Variants in JAKMIP1 observed in about 807,000 individuals in gnomAD.
JAKMIP1 encodes janus kinase and microtubule interacting protein 1.
Under a neutral mutation model 113.0 loss-of-function variants are expected in JAKMIP1, and 33 were observed. The observed-to-expected ratio is 0.29, with a 90% confidence interval of 0.22 to 0.39. JAKMIP1 has a LOEUF of 0.39. Ranked by LOEUF, JAKMIP1 falls within the 10% of genes least tolerant of loss-of-function variation. The pLI, the probability that JAKMIP1 is intolerant of heterozygous loss-of-function variation, is 1.00. For synonymous variants in JAKMIP1, 480 were observed against 459.9 expected (o/e 1.04, Z -0.56); for missense variants, 813 against 1,080.5 (o/e 0.75, Z 3.47).
chr4:6,046,775 C>T (rs906187416), intron 16 of JAKMIP1, among the ~76,000 whole-genome samples: 1 of 152,202 alleles, frequency 6.6e-6, no homozygotes, highest in Non-Finnish European at 1.5e-5. Context: ...GCCTGGAACA[C>T]CTGCTGTGGG....
intron 19 of JAKMIP1, among the ~76,000 whole-genome samples, chr4:6,033,843 G>T (rs1713051390): frequency 6.6e-6 from 1 of 152,188 alleles, no homozygotes; most frequent in Non-Finnish European, 1.5e-5. Context: ...CCAGATTTCT[G>T]GAGACTATCA....
chr4:6,087,362 CTCTG>C (rs1233381227), intron 3 of JAKMIP1, among the ~76,000 whole-genome samples: 1 of 152,086 alleles, frequency 6.6e-6, no homozygotes, highest in Non-Finnish European at 1.5e-5. Context: ...TTAGAACCAA[CTCTG>C]TCTAACTGTT....
intron 1 of JAKMIP1, among the ~76,000 whole-genome samples, chr4:6,130,277 A>C (rs1416783539): frequency 1.3e-5 from 2 of 152,266 alleles, no homozygotes; most frequent in Non-Finnish European, 2.9e-5. Flanking sequence ...TAAGGAGCTT[A>C]GAAGCATGAC....
intron 3 of JAKMIP1, among the ~76,000 whole-genome samples, chr4:6,102,008 G>A (rs1056991982): frequency 1.5e-4 from 23 of 151,480 alleles, no homozygotes; most frequent in African/African-American, 5.1e-4. Flanking sequence ...TCTTCTAATC[G>A]ATGAAAACGA....
chr4:6,040,583 C>A lies in JAKMIP1; in HGVS notation c.2175+56G>T, dbSNP rs1714179762. The A allele has an allele frequency of 3.9e-6, 5 of 1,291,584 alleles. No homozygotes were observed. The South Asian group carries it at 4.9e-5, about 13-fold the overall frequency. The allele number at this position is 1,291,584 out of a possible 1,614,324, so 80.0% of individuals were successfully genotyped here. On this transcript the variant is annotated intron_variant, in intron 18 of 20. Coordinates refer to ENST00000409021, the MANE Select transcript of JAKMIP1 (RefSeq NM_001099433.2). This position sits in a 1 kb window ranked among gnomAD's most constrained non-coding sequence, Gnocchi z 5.8. ...GCAGTTTCAGCCCCAGAGGAAAAAG[C>A]AGCCTCTAATGTGGAGTCTAAGAAG...
intron 3 of JAKMIP1, among the ~76,000 whole-genome samples, chr4:6,098,702 A>C (rs921410380): frequency 6.4e-5 from 1 of 15,510 alleles, no homozygotes; most frequent in Non-Finnish European, 1.8e-4. Context: ...GAAAGAAAGA[A>C]AGAAAGAAAG....
intron 1 of JAKMIP1, among the ~76,000 whole-genome samples, chr4:6,149,664 C>T: frequency 1.3e-5 from 2 of 152,114 alleles, no homozygotes. Flanking sequence ...TCATAAAGTC[C>T]AAAGTATATC....
intron 11 of JAKMIP1, among the ~76,000 whole-genome samples, chr4:6,060,188 C>G (rs954339803): frequency 6.6e-6 from 1 of 152,162 alleles, no homozygotes; most frequent in African/African-American, 2.4e-5. Flanking sequence ...GGCAAACAAA[C>G]AAAGAAAAAG....
At chr4:6,027,595 A>G (rs1712033055) in intron 20 of JAKMIP1, among the ~76,000 whole-genome samples, 1 of 152,206 alleles carries the variant, frequency 6.6e-6, no homozygotes, top group Admixed American at 6.5e-5. Flanking sequence ...GAAGGTTTCC[A>G]GCCCTACAGG....
rs966525977 is a variant in JAKMIP1 at position 6,186,768 on chromosome 4, G to A, written c.-148+13485C>T. ...TTGTTCTATCTGTTATTGAAAGTGG[G>A]TGTTGACATATTCAACTATTGTTGT... On this transcript the variant is annotated intron_variant, in intron 1 of 20. Transcript: ENST00000409021. This position sits in a 1 kb window ranked among gnomAD's most constrained non-coding sequence, Gnocchi z 5.5. Among the ~76,000 whole-genome samples the A allele has an allele frequency of 2.0e-5, 3 of 152,144 alleles. No individual in the cohort carries two copies. The highest frequency in any genetic ancestry group is 4.4e-5 in the Non-Finnish European group (3 of 68,034).
chr4:6,136,208 T>C lies in JAKMIP1; in HGVS notation c.-147-23211A>G, dbSNP rs1719220417. Reference sequence around the variant, plus strand: ...TTGCAGTGAGCCGAGATCACACCACTGCACTCCAGCCTGGCCAACAGAGTG... The same window carrying C: ...TTGCAGTGAGCCGAGATCACACCACCGCACTCCAGCCTGGCCAACAGAGTG... On this transcript the variant is annotated intron_variant, in intron 1 of 20. Coordinates refer to ENST00000409021, the MANE Select transcript of JAKMIP1 (RefSeq NM_001099433.2). The surrounding 1 kb of genome is among the most constrained non-coding windows in gnomAD (Gnocchi z 5.9). 6.6e-6 allele frequency among the ~76,000 whole-genome samples: 1 copy of C among 152,090 alleles called. No homozygotes were observed. Among genetic ancestry groups the C allele is most frequent in the Admixed American group, 6.5e-5 (1 of 15,282 alleles).
At chr4:6,070,493 C>T (rs1397634153) in intron 8 of JAKMIP1, among the ~76,000 whole-genome samples, 2 of 152,248 alleles carry the variant, frequency 1.3e-5, no homozygotes, top group Non-Finnish European at 2.9e-5. Context: ...GCCTTCGTCA[C>T]AGAGGACAGC....
intron 1 of JAKMIP1, among the ~76,000 whole-genome samples, chr4:6,119,718 T>A (rs534504197): frequency 6.6e-6 from 1 of 152,346 alleles, no homozygotes; most frequent in South Asian, 2.1e-4. Context: ...GCCTCCCGGC[T>A]GAACAGGGCT....
At position 6,112,706 on chromosome 4, in the gene JAKMIP1, T is replaced by G. The variant is rs570202144; in HGVS notation, c.129+16A>C. 1 of 1,612,476 alleles carries G rather than the reference T, an allele frequency of 6.2e-7. No individual in the cohort carries two copies. The highest frequency in any genetic ancestry group is 1.3e-5 in the African/African-American group (1 of 75,038). On this transcript the variant is annotated intron_variant, in intron 2 of 20. Coordinates refer to ENST00000409021, the MANE Select transcript of JAKMIP1 (RefSeq NM_001099433.2). ...ATTTGCAGCCCAGCCGCTGCTGAGCTGACGCCAACCCCCACCTTGCTTTTT... is the reference window on the plus strand; with the variant it reads ...ATTTGCAGCCCAGCCGCTGCTGAGCGGACGCCAACCCCCACCTTGCTTTTT...
At position 6,080,116 on chromosome 4, in the gene JAKMIP1, A is replaced by G. The variant is rs1156822226; in HGVS notation, c.1242+56T>C. The G allele has an allele frequency of 6.6e-7, 1 of 1,521,868 alleles. No homozygotes were observed. The highest frequency in any genetic ancestry group is 1.3e-5 in the South Asian group (1 of 77,892). The allele number at this position is 1,521,868 out of a possible 1,614,324, so 94.3% of individuals were successfully genotyped here. A position where few individuals can be genotyped will look rare whatever the true frequency, so the allele number is the denominator to read the frequency against. On this transcript the variant is annotated intron_variant, in intron 7 of 20. Transcript: ENST00000409021. This position sits in a 1 kb window ranked among gnomAD's most constrained non-coding sequence, Gnocchi z 6.0. The stretch of plus-strand genomic sequence containing the variant: ...GCCCCAACACCCGTTCCTGACACCC[A>G]TGTCAGCTGGTGCCACCCCTGCCAG...
chr4:6,152,811 C>CATATATATATATATAT (rs1205061386), intron 1 of JAKMIP1, among the ~76,000 whole-genome samples: 7 of 103,434 alleles, frequency 6.8e-5, no homozygotes, highest in Admixed American at 5.0e-4. Flanking sequence ...TATATATATA[C>CATATATATATATATAT]ATATATATAT....
At chr4:6,054,923 AG>A in intron 12 of JAKMIP1, 1 of 447,928 alleles carries the variant, frequency 2.2e-6, no homozygotes, top group Middle Eastern at 3.4e-4. Flanking sequence ...AAATGGGATG[AG>A]GGGGTGAGGG....
chr4:6,072,305 T>C (rs1165360491), intron 8 of JAKMIP1, among the ~76,000 whole-genome samples: 1 of 152,218 alleles, frequency 6.6e-6, no homozygotes, highest in Non-Finnish European at 1.5e-5. Flanking sequence ...CCAGGGTACA[T>C]TCTTAACCTT....
rs1425058886 is a variant in JAKMIP1, at chr4:6,081,657, C to G, written c.1053G>C (p.Gln351His). 8 of 1,614,226 alleles carry G rather than the reference C, an allele frequency of 5.0e-6. No homozygotes were observed. The highest frequency in any genetic ancestry group is 6.8e-6 in the Non-Finnish European group (8 of 1,180,038). ...KKNEDLLQSI[Q>H]RMEEKIKNLT... ...GGTTCTTGATTTTCTCCTCCATCCT[C>G]TGGATACTCTGCAACAGATCCTCAT... The change falls in exon 6 of 21, where the codon CAG (glutamine) becomes CAC (histidine). Residue 351 changes from glutamine (Q) to histidine (H), a missense_variant. Physicochemically the swap from Gln to His is conservative, Grantham distance 24 (BLOSUM62 0). Around this residue, in one of 2 missense-constraint regions of JAKMIP1, gnomAD observed 540 missense variants for 653.9 expected, o/e 0.83. Transcript: ENST00000409021. The surrounding 1 kb of genome is among the most constrained non-coding windows in gnomAD (Gnocchi z 4.6).
Sources: gnomAD v4.1 joint callset for allele counts (sites outside exome capture counted in the v4.1 genomes callset) on GRCh38, gnomAD v4.1.1 for gene constraint, gnomAD v4.1.1 regional missense constraint, Gnocchi (gnomAD v3.1) non-coding constraint, MANE v1.5 for transcripts, NCBI Gene and HGNC (gene_info 2026-07-23, HGNC 2026-07-21) for gene names.